Variants in XKR4 observed in about 807,000 individuals in gnomAD.
The protein encoded by XKR4 is XK-related protein 4.
Under a neutral mutation model 53.9 loss-of-function variants are expected in XKR4, and 12 were observed. The ratio of observed to expected loss-of-function variants is 0.22; its 90% CI spans 0.14 to 0.36. The LOEUF (loss-of-function observed/expected upper bound fraction) is 0.36. Among genes scored for constraint, XKR4 ranks in the 10% least tolerant of loss-of-function variants. XKR4 has a pLI of 1.00. For missense variants in XKR4, 799 were observed against 859.5 expected (o/e 0.93, Z 0.88); for synonymous variants, 354 against 362.4 (o/e 0.98, Z 0.26).
intron 1 of XKR4, among the ~76,000 whole-genome samples, chr8:55,241,726 C>A (rs904739619): frequency 1.3e-5 from 2 of 152,162 alleles, no homozygotes; most frequent in East Asian, 1.9e-4. Context: ...ATGTGAATAC[C>A]TTTCCTTCCT....
intron 1 of XKR4, among the ~76,000 whole-genome samples, chr8:55,127,665 T>C (rs993006391): frequency 6.6e-5 from 10 of 151,672 alleles, no homozygotes; most frequent in East Asian, 1.9e-4. Context: ...ATGTGCCATG[T>C]TGGTGTGCTG....
At chr8:55,449,917 G>A (rs1352836542) in intron 2 of XKR4, 3 of 871,902 alleles carry the variant, frequency 3.4e-6, no homozygotes, top group Non-Finnish European at 5.8e-6. Flanking sequence ...AGATGCGGTC[G>A]AGCCTCTATT....
chr8:55,360,149 T>C (rs1056965951), intron 2 of XKR4, among the ~76,000 whole-genome samples: 1 of 152,188 alleles, frequency 6.6e-6, no homozygotes, highest in South Asian at 2.1e-4. Context: ...ACTATGTTGA[T>C]CTTATTGCTA....
At chr8:55,244,803 G>A (rs1052350860) in intron 1 of XKR4, among the ~76,000 whole-genome samples, 1 of 151,512 alleles carries the variant, frequency 6.6e-6, no homozygotes, top group African/African-American at 2.4e-5. Flanking sequence ...ATTTTCATTT[G>A]TCTAATGATA....
intron 2 of XKR4, among the ~76,000 whole-genome samples, chr8:55,464,376 C>T (rs1051446976): frequency 6.6e-6 from 1 of 152,046 alleles, no homozygotes; most frequent in Admixed American, 6.5e-5. Context: ...AGACAAAAAC[C>T]ACATGATTAT....
chr8:55,127,699 T>C (rs1408704182), intron 1 of XKR4, among the ~76,000 whole-genome samples: 1 of 29,814 alleles, frequency 3.4e-5, no homozygotes, highest in Non-Finnish European at 9.3e-5. Flanking sequence ...GTCATTTAGC[T>C]TAGGTATATC....
At chr8:55,179,238 T>A (rs1035985309) in intron 1 of XKR4, among the ~76,000 whole-genome samples, 1 of 152,176 alleles carries the variant, frequency 6.6e-6, no homozygotes, top group Non-Finnish European at 1.5e-5. Context: ...AGGCTAATTT[T>A]TCTGAGATGG....
chr8:55,140,296 G>T, intron 1 of XKR4: 1 of 252,326 alleles, frequency 4.0e-6, no homozygotes, highest in South Asian at 4.1e-5. Context: ...CAGGAATGTG[G>T]TGTTCATGGA....
intron 2 of XKR4, among the ~76,000 whole-genome samples, chr8:55,393,506 G>T (rs1329966527): frequency 6.6e-6 from 1 of 152,152 alleles, no homozygotes; most frequent in Non-Finnish European, 1.5e-5. Flanking sequence ...ATTCATAATA[G>T]TTGAAGCTAT....
chr8:55,456,266 T>C (rs2129397204), intron 2 of XKR4, among the ~76,000 whole-genome samples: 1 of 152,212 alleles, frequency 6.6e-6, no homozygotes, highest in African/African-American at 2.4e-5. Flanking sequence ...ACCCTGTCTC[T>C]ACTAAAAATA....
intron 1 of XKR4, among the ~76,000 whole-genome samples, chr8:55,161,102 C>T (rs563729226): frequency 1.3e-5 from 2 of 152,238 alleles, no homozygotes; most frequent in Admixed American, 1.3e-4. Flanking sequence ...TGAGTATTGC[C>T]AGCACCTGGA....
At chr8:55,386,690 A>T (rs1804321591) in intron 2 of XKR4, among the ~76,000 whole-genome samples, 1 of 152,218 alleles carries the variant, frequency 6.6e-6, no homozygotes, top group African/African-American at 2.4e-5. Context: ...GCAGCTGGAA[A>T]AATGAAGCCT....
At chr8:55,121,043 T>TTC (rs1585889028) in intron 1 of XKR4, among the ~76,000 whole-genome samples, 2 of 152,236 alleles carry the variant, frequency 1.3e-5, no homozygotes, top group Non-Finnish European at 2.9e-5. Context: ...TATGGCTTGA[T>TTC]AGCTCATTTG....
intron 2 of XKR4, among the ~76,000 whole-genome samples, chr8:55,392,313 G>A (rs527610803): frequency 6.6e-6 from 1 of 152,248 alleles, no homozygotes; most frequent in East Asian, 1.9e-4. Flanking sequence ...TGAGACTGGA[G>A]CATCTTACTG....
At chr8:55,147,658 T>G (rs1157907048) in intron 1 of XKR4, among the ~76,000 whole-genome samples, 2 of 152,124 alleles carry the variant, frequency 1.3e-5, no homozygotes, top group African/African-American at 2.4e-5. Flanking sequence ...TAGTGCGTAT[T>G]AGAGCACTGG....
chr8:55,311,939 C>T (rs139046137), intron 1 of XKR4, among the ~76,000 whole-genome samples: 2 of 151,980 alleles, frequency 1.3e-5, no homozygotes, highest in Non-Finnish European at 2.9e-5. Context: ...CCTTGGTCTG[C>T]AGTCCAGAGT....
chr8:55,379,153 C>T (rs970642150), intron 2 of XKR4, among the ~76,000 whole-genome samples: 1 of 152,132 alleles, frequency 6.6e-6, no homozygotes, highest in African/African-American at 2.4e-5. Context: ...GTCAGATATC[C>T]TGCTGGTGGC....
chr8:55,193,692 A>G (rs1817471757), intron 1 of XKR4, among the ~76,000 whole-genome samples: 2 of 152,230 alleles, frequency 1.3e-5, no homozygotes, highest in South Asian at 4.1e-4. Flanking sequence ...ATCTGAAGCA[A>G]TACAGGAGAG....
chr8:55,202,919 C>A (rs180964394), intron 1 of XKR4, among the ~76,000 whole-genome samples: 12 of 152,170 alleles, frequency 7.9e-5, no homozygotes, highest in Non-Finnish European at 1.3e-4. Flanking sequence ...TACACCCTGA[C>A]CTTTAGGGAG....
Sources: gnomAD v4.1 joint callset for allele counts (sites outside exome capture counted in the v4.1 genomes callset) on GRCh38, gnomAD v4.1.1 for gene constraint, MANE v1.5 for transcripts, NCBI Gene and HGNC (gene_info 2026-07-23, HGNC 2026-07-21) for gene names.